COG5: variants seen among roughly 807,000 people sequenced by gnomAD.
COG5 encodes conserved oligomeric Golgi complex subunit 5.
A neutral mutation model predicts 110.4 loss-of-function variants in COG5; 86 were observed. That is an observed-to-expected ratio of 0.78 (90% CI 0.65 to 0.93). COG5 has a LOEUF of 0.93. Among genes scored for constraint, COG5 ranks in the 40% least tolerant of loss-of-function variants. The pLI is 0.00. For missense variants in COG5, 1,077 were observed against 987.0 expected, an observed-to-expected ratio of 1.09 and a Z score of -1.22; for synonymous variants, 360 against 334.6, an observed-to-expected ratio of 1.08 and a Z score of -0.83.
chr7:107,435,087 T>C (rs527625747), intron 6 of COG5, among the ~76,000 whole-genome samples: 12 of 152,280 alleles, frequency 7.9e-5, no homozygotes, highest in African/African-American at 2.9e-4. Flanking sequence ...TCTACTTTTA[T>C]GGGTTATCTA....
chr7:107,435,778 C>T (rs1794329052), intron 6 of COG5, among the ~76,000 whole-genome samples: 1 of 152,146 alleles, frequency 6.6e-6, no homozygotes, highest in Non-Finnish European at 1.5e-5. Context: ...CCATATGGTC[C>T]ACCAATTCTA....
In COG5 at chr7:107,209,297, G is replaced by A. The variant is rs1398361834; in HGVS notation, c.2375+1229C>T. The A allele has an allele frequency of 3.2e-6, 3 of 949,136 alleles. No homozygotes were observed. The South Asian group carries it at 1.5e-4, about 46-fold the overall frequency. 58.8% of individuals were successfully genotyped at this position (949,136 alleles called of 1,614,324 possible). ...AGAGGAGTTGAATGATGATGTAAAG[G>A]TTTTCCGGCTTGGCTAGTTAGGTGA... is the stretch of plus-strand genomic sequence containing the variant. On this transcript the variant is annotated intron_variant, in intron 21 of 21. Transcript: ENST00000297135.
chr7:107,524,985 G>A (rs561081811), intron 6 of COG5, among the ~76,000 whole-genome samples: 7 of 152,162 alleles, frequency 4.6e-5, no homozygotes, highest in African/African-American at 1.7e-4. Flanking sequence ...CTGGAGTGCA[G>A]TTGCAGATCT....
chr7:107,526,485 GAAAT>G, intron 6 of COG5, among the ~76,000 whole-genome samples: 1 of 152,286 alleles, frequency 6.6e-6, no homozygotes, highest in East Asian at 1.9e-4. Context: ...AATGAACAAA[GAAAT>G]AAATTTTTAA....
At chr7:107,301,861 T>C (rs564213466) in intron 11 of COG5, among the ~76,000 whole-genome samples, 12 of 151,892 alleles carry the variant, frequency 7.9e-5, no homozygotes, top group Non-Finnish European at 1.6e-4. Context: ...ATAGTGAGAC[T>C]CTGCCTCAAA....
chr7:107,290,394 T>C (rs537618268), intron 12 of COG5, among the ~76,000 whole-genome samples: 29 of 152,348 alleles, frequency 1.9e-4, no homozygotes, highest in Admixed American at 5.2e-4. Flanking sequence ...TCTAAATTAA[T>C]AGAGACCTGT....
chr7:107,246,663 G>T (rs140864015), intron 17 of COG5, among the ~76,000 whole-genome samples: 5 of 151,914 alleles, frequency 3.3e-5, no homozygotes, highest in Non-Finnish European at 7.4e-5. Flanking sequence ...AATCAAAACC[G>T]CAATGAGATA....
At chr7:107,354,676 C>T (rs1283958232) in intron 10 of COG5, among the ~76,000 whole-genome samples, 1 of 144,964 alleles carries the variant, frequency 6.9e-6, no homozygotes, top group African/African-American at 2.5e-5. Context: ...GACTCCGTCT[C>T]AACAACAACA....
intron 13 of COG5, among the ~76,000 whole-genome samples, chr7:107,282,216 A>G (rs1039737027): frequency 6.6e-6 from 1 of 152,226 alleles, no homozygotes; most frequent in African/African-American, 2.4e-5. Context: ...ACTTTCATAC[A>G]GTATTGAGAC....
At chr7:107,326,284 T>C (rs1438788905) in intron 10 of COG5, among the ~76,000 whole-genome samples, 2 of 152,016 alleles carry the variant, frequency 1.3e-5, no homozygotes, top group Non-Finnish European at 2.9e-5. Flanking sequence ...CTATACAATA[T>C]AGTACTAGGA....
At chr7:107,541,704 G>A (rs943606041) in intron 5 of COG5, among the ~76,000 whole-genome samples, 31 of 150,594 alleles carry the variant, frequency 2.1e-4, no homozygotes, top group East Asian at 7.8e-4. Context: ...AGGCTGAGGC[G>A]TGCGGATCAC....
chr7:107,398,269 A>C (rs895269810), intron 7 of COG5, among the ~76,000 whole-genome samples: 1 of 152,238 alleles, frequency 6.6e-6, no homozygotes, highest in Admixed American at 6.5e-5. Context: ...AATATTATTC[A>C]TCAATGAAAA....
intron 6 of COG5, among the ~76,000 whole-genome samples, chr7:107,511,781 C>A (rs1799534994): frequency 6.6e-6 from 1 of 152,122 alleles, no homozygotes; most frequent in Non-Finnish European, 1.5e-5. Context: ...ATAAACAGAA[C>A]CAAAGACAAA....
At chr7:107,511,430 G>A (rs1309490305) in intron 6 of COG5, among the ~76,000 whole-genome samples, 2 of 152,110 alleles carry the variant, frequency 1.3e-5, no homozygotes, top group Non-Finnish European at 2.9e-5. Flanking sequence ...AAAAGTCCAG[G>A]AGCAGATGGA....
intron 11 of COG5, among the ~76,000 whole-genome samples, chr7:107,318,013 G>A (rs1465204812): frequency 2.0e-5 from 3 of 151,990 alleles, no homozygotes; most frequent in African/African-American, 7.2e-5. Context: ...GTATGCTAAT[G>A]GCTTTTTTCT....
chr7:107,208,698 T>C (rs1477551697), intron 21 of COG5: 5 of 985,436 alleles, frequency 5.1e-6, no homozygotes, highest in Middle Eastern at 5.2e-4. Flanking sequence ...CAGATGTTCA[T>C]AGCTGAGTAA....
chr7:107,216,583 C>T (rs1799551650), intron 19 of COG5, among the ~76,000 whole-genome samples: 1 of 151,978 alleles, frequency 6.6e-6, no homozygotes, highest in South Asian at 2.1e-4. Context: ...AACTAGACAT[C>T]AATAATAGGA....
At chr7:107,552,811 A>G (rs1803011889) in intron 3 of COG5, among the ~76,000 whole-genome samples, 1 of 152,178 alleles carries the variant, frequency 6.6e-6, no homozygotes, top group Admixed American at 6.5e-5. Context: ...AGACACATGC[A>G]CTTGTATGTT....
rs373788840 is a variant in COG5, at chr7:107,474,294, C to T, written c.538+52943G>A. ...CCAACTTAATCAACTCTGTCAGTAA[C>T]ATTATTACAATGAATCTTCATGTAC... On this transcript the variant is annotated intron_variant, in intron 6 of 21. Transcript: ENST00000297135. The surrounding 1 kb of genome is among the most constrained non-coding windows in gnomAD (Gnocchi z 5.7). 1.1e-5 allele frequency: 17 copies of T among 1,610,002 alleles called. No individual in the cohort carries two copies. Among genetic ancestry groups the T allele is most frequent in the Non-Finnish European group, 1.3e-5 (15 of 1,176,610 alleles).
Sources: allele counts gnomAD v4.1 joint callset (sites outside exome capture counted in the v4.1 genomes callset), GRCh38; gene constraint gnomAD v4.1.1; non-coding constraint Gnocchi (gnomAD v3.1); transcripts MANE v1.5; gene names NCBI Gene and HGNC (gene_info 2026-07-23, HGNC 2026-07-21).